The following DLC1 variants were observed in gnomAD, a reference collection of about 807,000 sequenced individuals.
DLC1 encodes rho GTPase-activating protein 7.
Under a neutral mutation model 140.3 loss-of-function variants are expected in DLC1, and 54 were observed. The observed-to-expected ratio is 0.38, with a 90% CI of 0.31 to 0.48. The LOEUF is 0.48. Among genes scored for constraint, DLC1 ranks in the 20% least tolerant of loss-of-function variants. The pLI, the probability that DLC1 is intolerant of heterozygous loss-of-function variation, is 0.96. For synonymous variants in DLC1, 986 were observed against 728.1 expected (o/e 1.35, Z -5.70); for missense variants, 2,536 against 1,907.0 (o/e 1.33, Z -6.14).
At chr8:13,109,722 G>A (rs529849432) in intron 7 of DLC1, among the ~76,000 whole-genome samples, 4 of 151,766 alleles carry the variant, frequency 2.6e-5, no homozygotes, top group Admixed American at 1.3e-4. Context: ...AGTCTCTACT[G>A]AAAATACACA....
chr8:13,601,955 A>G (rs1805901056), intron 1 of DLC1, among the ~76,000 whole-genome samples: 1 of 151,804 alleles, frequency 6.6e-6, no homozygotes, highest in Admixed American at 6.6e-5. Context: ...CACATTTCCA[A>G]TTAAAATATA....
chr8:13,578,744 G>C (rs745730915), intron 1 of DLC1, among the ~76,000 whole-genome samples: 1 of 152,066 alleles, frequency 6.6e-6, no homozygotes, highest in Non-Finnish European at 1.5e-5. Context: ...GTGGGGGAAG[G>C]AGTGTGGAGC....
At chr8:13,269,074 T>C (rs960264493) in intron 5 of DLC1, among the ~76,000 whole-genome samples, 1 of 151,826 alleles carries the variant, frequency 6.6e-6, no homozygotes, top group Non-Finnish European at 1.5e-5. Flanking sequence ...GGGGTTTCAC[T>C]GTGTTAGCCA....
intron 5 of DLC1, among the ~76,000 whole-genome samples, chr8:13,187,740 G>A (rs919421229): frequency 3.3e-5 from 5 of 152,162 alleles, no homozygotes; most frequent in African/African-American, 4.8e-5. Context: ...TACTCGAGGC[G>A]TTCAACATTG....
At chr8:13,391,162 G>T (rs553938078) in intron 4 of DLC1, among the ~76,000 whole-genome samples, 1 of 149,836 alleles carries the variant, frequency 6.7e-6, no homozygotes, top group African/African-American at 2.4e-5. Context: ...CCAGTAGCTG[G>T]ACAGAGCTGC....
intron 1 of DLC1, among the ~76,000 whole-genome samples, chr8:13,576,437 A>T (rs1804839348): frequency 6.6e-6 from 1 of 152,208 alleles, no homozygotes. Context: ...AATAGGCATC[A>T]GTAAAATTTA....
At chr8:13,337,507 A>C (rs1833855116) in intron 4 of DLC1, among the ~76,000 whole-genome samples, 1 of 152,186 alleles carries the variant, frequency 6.6e-6, no homozygotes, top group Non-Finnish European at 1.5e-5. Context: ...TTTGACAATC[A>C]CATTAACATC....
At chr8:13,120,231 T>C (rs1218486981) in intron 5 of DLC1, among the ~76,000 whole-genome samples, 2 of 150,028 alleles carry the variant, frequency 1.3e-5, no homozygotes, top group African/African-American at 2.4e-5. Context: ...TAGTCCCAGC[T>C]ACGCAGGAGG....
At chr8:13,287,834 T>C (rs1298513580) in intron 5 of DLC1, among the ~76,000 whole-genome samples, 3 of 151,920 alleles carry the variant, frequency 2.0e-5, no homozygotes, top group East Asian at 3.8e-4. Flanking sequence ...ATTTTGCCAA[T>C]TAAGTGTAAA....
intron 2 of DLC1, 185 bp downstream of exon 2, chr8:13,498,864 T>C: frequency 3.2e-6 from 2 of 615,710 alleles, no homozygotes; most frequent in African/African-American, 3.7e-5. Flanking sequence ...ACGGATAGAT[T>C]ATTATTCTTT....
At position 13,452,794 on chromosome 8, in the gene DLC1, G is replaced by A. The variant is rs139676360; in HGVS notation, c.1023+46255C>T. Among the ~76,000 whole-genome samples the A allele has an allele frequency of 4.1e-3, 628 of 152,182 alleles. 8 individuals are homozygous for A. Among genetic ancestry groups the A allele is most frequent in the African/African-American group, 0.015 (607 of 41,506 alleles). Reference sequence around the variant, plus strand: ...TTAGTTTAAGCATACAATCATACACGCTTGGTCATTTTGGGACTGTTGACT... The same window carrying A: ...TTAGTTTAAGCATACAATCATACACACTTGGTCATTTTGGGACTGTTGACT... On this transcript the variant is annotated intron_variant, in intron 2 of 17. Coordinates refer to ENST00000276297, the MANE Select transcript of DLC1 (RefSeq NM_182643.3).
chr8:13,322,850 T>G (rs1833180214), intron 4 of DLC1, among the ~76,000 whole-genome samples: 1 of 15,986 alleles, frequency 6.3e-5, no homozygotes, highest in African/African-American at 8.4e-5. Context: ...GTTCCCTTCT[T>G]TAATAGACTG....
chr8:13,584,973 C>T (rs950728146), intron 1 of DLC1, among the ~76,000 whole-genome samples: 1 of 152,140 alleles, frequency 6.6e-6, no homozygotes. Context: ...TGTACCCAAA[C>T]TGTGCAGTAT....
chr8:13,167,685 C>A (rs1825199597), intron 5 of DLC1, among the ~76,000 whole-genome samples: 1 of 152,152 alleles, frequency 6.6e-6, no homozygotes, highest in Admixed American at 6.5e-5. Context: ...GAATGAATTT[C>A]TAATAACAAT....
At chr8:13,473,379 A>C (rs1205796692) in intron 2 of DLC1, among the ~76,000 whole-genome samples, 1 of 152,062 alleles carries the variant, frequency 6.6e-6, no homozygotes, top group Non-Finnish European at 1.5e-5. Flanking sequence ...GGTTTTAAAA[A>C]CGGGGGTTTC....
rs115805639 is a variant in DLC1 at position 13,228,770 on chromosome 8, G to A, written c.1348+76499C>T. 3.4e-3 allele frequency among the ~76,000 whole-genome samples: 511 copies of A among 152,172 alleles called. 3 individuals are homozygous for A. The highest frequency in any genetic ancestry group is 0.012 in the African/African-American group (503 of 41,532). ...GTCTCTTTAAAAACAATGGACAAAG[G>A]ATCCGGATAGACATTTCTTCCGAGA... On this transcript the variant is annotated intron_variant, in intron 5 of 17. Coordinates refer to ENST00000276297, the MANE Select transcript of DLC1 (RefSeq NM_182643.3).
rs986849491 is a variant in DLC1 at position 13,312,712 on chromosome 8, A to C, written c.1315-7410T>G. 1.2e-3 allele frequency among the ~76,000 whole-genome samples: 184 copies of C among 152,262 alleles called. 2 individuals carry two copies. The highest frequency in any genetic ancestry group is 4.3e-3 in the African/African-American group (178 of 41,574). On this transcript the variant is annotated intron_variant, in intron 4 of 17. Coordinates refer to ENST00000276297, the MANE Select transcript of DLC1 (RefSeq NM_182643.3). ...TATATTCATTGTGTCTATATTATAT[A>C]TATCTCCTTAAATTTGCAAATTCTT...
chr8:13,583,677 A>G (rs966090988), intron 1 of DLC1, among the ~76,000 whole-genome samples: 1 of 152,254 alleles, frequency 6.6e-6, no homozygotes, highest in African/African-American at 2.4e-5. Context: ...AGACAAACCT[A>G]TTAATTCTTT....
At chr8:13,506,335 G>A (rs1241020848) in intron 1 of DLC1, among the ~76,000 whole-genome samples, 2 of 151,456 alleles carry the variant, frequency 1.3e-5, no homozygotes, top group Non-Finnish European at 2.9e-5. Flanking sequence ...TTGACTCTAG[G>A]ATATTCTATT....
Sources: allele counts gnomAD v4.1 joint callset (sites outside exome capture counted in the v4.1 genomes callset), GRCh38; gene constraint gnomAD v4.1.1; transcripts MANE v1.5; gene names NCBI Gene and HGNC (gene_info 2026-07-23, HGNC 2026-07-21).